CDH13: variants seen among roughly 807,000 people sequenced by gnomAD.
CDH13 encodes cadherin 13.
A neutral mutation model predicts 63.8 loss-of-function variants in CDH13; 24 were observed. The observed-to-expected ratio is 0.38, with a 90% confidence interval of 0.27 to 0.53. The LOEUF is 0.53. Among genes scored for constraint, CDH13 ranks in the 20% least tolerant of loss-of-function variants. CDH13 has a pLI of 0.85. For synonymous variants in CDH13, 503 were observed against 355.3 expected, an observed-to-expected ratio of 1.42 and a Z score of -4.67; for missense variants, 1,049 against 903.1, an observed-to-expected ratio of 1.16 and a Z score of -2.07.
At chr16:82,748,970 C>T (rs2034297305) in intron 1 of CDH13, among the ~76,000 whole-genome samples, 1 of 152,138 alleles carries the variant, frequency 6.6e-6, no homozygotes, top group South Asian at 2.1e-4. Flanking sequence ...CATTTATGAC[C>T]AATATATGGC....
Position 83,798,486 on chromosome 16 carries a change from C to G in CDH13, c.*3456C>G, listed in dbSNP as rs1293709125. The G allele has an allele frequency of 6.6e-6, 1 of 152,214 alleles. No individual in the cohort carries two copies. The highest frequency in any genetic ancestry group is 6.5e-5 in the Admixed American group (1 of 15,284). 9.4% of individuals were successfully genotyped at this position (152,214 alleles called of 1,614,324 possible). On this transcript the variant is annotated 3_prime_UTR_variant, in exon 14 of 14. Coordinates refer to ENST00000567109, the MANE Select transcript of CDH13 (RefSeq NM_001257.5). ...AGTAACTCATTAATCCCTCCAGTAA[C>G]ATATGAGACAAGCACTACTATCTTC...
At chr16:83,360,235 G>A (rs2091136283) in intron 6 of CDH13, among the ~76,000 whole-genome samples, 3 of 152,318 alleles carry the variant, frequency 2.0e-5, no homozygotes, top group Admixed American at 2.0e-4. Context: ...TTAGTCTTGA[G>A]TTATGCAAAT....
At chr16:83,410,509 A>G (rs544641445) in intron 6 of CDH13, among the ~76,000 whole-genome samples, 2 of 152,208 alleles carry the variant, frequency 1.3e-5, no homozygotes, top group Admixed American at 6.5e-5. Flanking sequence ...GGCAAATAGC[A>G]TTTGAGAAAA....
At chr16:83,017,970 C>T (rs1173450401) in intron 2 of CDH13, among the ~76,000 whole-genome samples, 1 of 152,154 alleles carries the variant, frequency 6.6e-6, no homozygotes, top group Non-Finnish European at 1.5e-5. Flanking sequence ...ACAAGCCCAG[C>T]AAAACACAGT....
intron 6 of CDH13, among the ~76,000 whole-genome samples, chr16:83,419,895 T>C (rs957083096): frequency 6.7e-6 from 1 of 149,738 alleles, no homozygotes; most frequent in Admixed American, 6.9e-5. Flanking sequence ...AGGAATTTCT[T>C]TTCTCTGAAT....
intron 6 of CDH13, among the ~76,000 whole-genome samples, chr16:83,350,607 C>G (rs956636851): frequency 3.9e-5 from 6 of 152,182 alleles, no homozygotes; most frequent in African/African-American, 1.4e-4. Flanking sequence ...TGTGCTGGCG[C>G]TATTCTAAGC....
At position 83,032,084 on chromosome 16, in the gene CDH13, G is replaced by A. The variant is rs145871512; in HGVS notation, c.232G>A (p.Asp78Asn). The A allele has an allele frequency of 5.1e-5, 83 of 1,612,508 alleles. No individual in the cohort carries two copies. The East Asian group carries it at 1.5e-3, about 30-fold the overall frequency. ...GAGCCCATACTTCAAGGTGAACAGCGATGGCGGCTTAGTTGCTCTGAGAAA... is the reference window on the plus strand; with the variant it reads ...GAGCCCATACTTCAAGGTGAACAGCAATGGCGGCTTAGTTGCTCTGAGAAA... ...VSSPYFKVNS[D>N]GGLVALRNIT... Residue 78 changes from aspartate to asparagine, a missense_variant, in exon 3 of 14, where the codon GAT (aspartate) becomes AAT (asparagine). By Grantham distance (23) the Asp-to-Asn change is conservative (BLOSUM62 1). Transcript: ENST00000567109.
chr16:83,333,702 G>A (rs1200388802), intron 5 of CDH13, among the ~76,000 whole-genome samples: 5 of 152,054 alleles, frequency 3.3e-5, no homozygotes, highest in African/African-American at 1.2e-4. Context: ...ACCATATGTT[G>A]CTATGGTGGA....
At chr16:83,753,588 CA>C (rs1312615234) in intron 11 of CDH13, among the ~76,000 whole-genome samples, 21 of 152,132 alleles carry the variant, frequency 1.4e-4, no homozygotes, top group Admixed American at 5.2e-4. Context: ...CAACTTTATC[CA>C]AAGTGAGCAT....
chr16:83,111,772 A>G (rs926155976), intron 3 of CDH13, among the ~76,000 whole-genome samples: 1 of 152,236 alleles, frequency 6.6e-6, no homozygotes, highest in African/African-American at 2.4e-5. Context: ...ACAAGAATTC[A>G]TAAAACCAAC....
chr16:83,009,289 G>T (rs897913611), intron 2 of CDH13, among the ~76,000 whole-genome samples: 2 of 152,194 alleles, frequency 1.3e-5, no homozygotes, highest in Admixed American at 1.3e-4. Flanking sequence ...GAAAACCAGT[G>T]CTCTTGATTT....
chr16:83,148,501 G>A (rs1328592661), intron 4 of CDH13, among the ~76,000 whole-genome samples: 1 of 152,208 alleles, frequency 6.6e-6, no homozygotes, highest in African/African-American at 2.4e-5. Context: ...CCAGCCAGAT[G>A]ACCTTGGTCA....
At chr16:82,885,960 G>C (rs1010858010) in intron 2 of CDH13, among the ~76,000 whole-genome samples, 1 of 152,052 alleles carries the variant, frequency 6.6e-6, no homozygotes, top group African/African-American at 2.4e-5. Context: ...TTATCCTCTT[G>C]CTAACTTAAC....
chr16:83,032,210 T>A lies in CDH13; in HGVS notation c.358T>A (p.Ser120Thr). Residue 120 changes from serine to threonine, a missense_variant, in exon 3 of 14, where the codon TCC becomes ACC. Coordinates refer to ENST00000567109, the MANE Select transcript of CDH13 (RefSeq NM_001257.5). ...TGTCGGGGGGAAAGACATCCAGGGC[T>A]CCTTGCAGGTAACACATCTGTTTGA... ...VIVGGKDIQG[S>T]LQDIFKFART... The A allele has an allele frequency of 6.2e-7, 1 of 1,612,870 alleles. No homozygotes were observed. The highest frequency in any genetic ancestry group is 8.5e-7 in the Non-Finnish European group (1 of 1,179,082).
intron 1 of CDH13, among the ~76,000 whole-genome samples, chr16:82,681,092 C>G (rs183985474): frequency 6.6e-6 from 1 of 152,156 alleles, no homozygotes; most frequent in Non-Finnish European, 1.5e-5. Flanking sequence ...GCACTATCAG[C>G]AATCTGCAAA....
At chr16:83,648,047 C>T (rs1050270389) in intron 8 of CDH13, among the ~76,000 whole-genome samples, 5 of 151,952 alleles carry the variant, frequency 3.3e-5, no homozygotes. Flanking sequence ...TTTTTTGGTT[C>T]CCTGACTTAG....
chr16:83,243,907 C>T (rs997020286), intron 5 of CDH13, among the ~76,000 whole-genome samples: 1 of 152,170 alleles, frequency 6.6e-6, no homozygotes, highest in African/African-American at 2.4e-5. Context: ...AGAGTAACAT[C>T]ACCATTTGAA....
At chr16:82,638,209 C>G (rs773533793) in intron 1 of CDH13, among the ~76,000 whole-genome samples, 2 of 152,180 alleles carry the variant, frequency 1.3e-5, no homozygotes, top group East Asian at 1.9e-4. Context: ...ACACGACAGT[C>G]CAGGCCTTCA....
intron 1 of CDH13, among the ~76,000 whole-genome samples, chr16:82,684,425 A>G (rs8055389): frequency 0.13 from 20,097 of 152,074 alleles, 1,435 homozygotes; most frequent in Middle Eastern, 0.22. Context: ...GGATGCCTAG[A>G]TGTCTGCGGT....
Sources: gnomAD v4.1 joint callset for allele counts (sites outside exome capture counted in the v4.1 genomes callset) on GRCh38, gnomAD v4.1.1 for gene constraint, MANE v1.5 for transcripts, NCBI Gene and HGNC (gene_info 2026-07-23, HGNC 2026-07-21) for gene names.